DLGAP2: variants seen among roughly 807,000 people sequenced by gnomAD.
DLGAP2 encodes disks large-associated protein 2.
Under a neutral mutation model 100.3 loss-of-function variants are expected in DLGAP2, and 26 were observed. The observed-to-expected ratio is 0.26, with a 90% CI of 0.19 to 0.36. The LOEUF (loss-of-function observed/expected upper bound fraction) is 0.36. Ranked by LOEUF, DLGAP2 falls within the 10% of genes least tolerant of loss-of-function variation. The probability of loss-of-function intolerance (pLI) is 1.00; values close to 1 mark genes in which losing one functional copy is unlikely to be tolerated. For synonymous variants in DLGAP2, 886 were observed against 630.1 expected, an observed-to-expected ratio of 1.41 and a Z score of -6.08; for missense variants, 1,858 against 1,453.2, an observed-to-expected ratio of 1.28 and a Z score of -4.53.
At chr8:1,516,017 ATGAATGAGTGAG>A (rs1181784555) in intron 4 of DLGAP2, among the ~76,000 whole-genome samples, 4 of 79,232 alleles carry the variant, frequency 5.0e-5, no homozygotes, top group Non-Finnish European at 9.8e-5. Flanking sequence ...GAGTGAGTGC[ATGAATGAGTGAG>A]TGAATGAGTA....
At position 838,865 on chromosome 8, in the gene DLGAP2, G is replaced by A. The variant is rs545934685; in HGVS notation, c.19-69047G>A. ...TCCCCTGCTGGTGACTTCCTGGGGAGCGAGAGCATGTCTGTGGTTATGACA... is the reference window on the plus strand; with the variant it reads ...TCCCCTGCTGGTGACTTCCTGGGGAACGAGAGCATGTCTGTGGTTATGACA... On this transcript the variant is annotated intron_variant, in intron 1 of 14. Coordinates refer to ENST00000637795, the MANE Select transcript of DLGAP2 (RefSeq NM_001346810.2). Among the ~76,000 whole-genome samples the A allele has an allele frequency of 3.3e-5, 5 of 152,342 alleles. No individual in the cohort carries two copies. The East Asian group carries it at 9.6e-4, about 29-fold the overall frequency.
chr8:1,657,685 A>G (rs1798315046), intron 8 of DLGAP2, among the ~76,000 whole-genome samples: 1 of 152,254 alleles, frequency 6.6e-6, no homozygotes, highest in African/African-American at 2.4e-5. Flanking sequence ...ATGCAGTGAT[A>G]TACTTCCATG....
chr8:1,021,913 C>T (rs536980564), intron 2 of DLGAP2, among the ~76,000 whole-genome samples: 88 of 152,288 alleles, frequency 5.8e-4, no homozygotes, highest in African/African-American at 2.0e-3. Flanking sequence ...CCACCCCCCA[C>T]TTCCTGGGAG....
intron 2 of DLGAP2, among the ~76,000 whole-genome samples, chr8:940,547 C>T (rs1799172304): frequency 6.6e-6 from 1 of 152,138 alleles, no homozygotes; most frequent in Non-Finnish European, 1.5e-5. Flanking sequence ...GTGTCCATGA[C>T]ATGCGGTCAG....
At chr8:893,207 G>GA (rs1798072155) in intron 1 of DLGAP2, 2 of 152,206 alleles carry the variant, frequency 1.3e-5, no homozygotes, top group Non-Finnish European at 2.9e-5. Context: ...GGATCCTGCA[G>GA]AGTGGCATGC....
intron 2 of DLGAP2, among the ~76,000 whole-genome samples, chr8:1,143,733 G>T (rs1272616867): frequency 6.6e-6 from 1 of 152,174 alleles, no homozygotes; most frequent in African/African-American, 2.4e-5. Context: ...CCCTCACCTT[G>T]TTCTCTGTTC....
At chr8:1,509,328 CAA>C (rs11307586) in intron 4 of DLGAP2, among the ~76,000 whole-genome samples, 23 of 137,780 alleles carry the variant, frequency 1.7e-4, no homozygotes, top group South Asian at 2.2e-4. Flanking sequence ...AGACTCCGTC[CAA>C]AAAAAAAAAA....
chr8:1,178,239 A>G (rs573623320), intron 2 of DLGAP2, among the ~76,000 whole-genome samples: 1 of 152,364 alleles, frequency 6.6e-6, no homozygotes, highest in African/African-American at 2.4e-5. Context: ...TGATTTATGG[A>G]GTTACCACGT....
At position 1,436,683 on chromosome 8, in the gene DLGAP2, C is replaced by T. The variant is rs949405092; in HGVS notation, c.107-64683C>T. Among the ~76,000 whole-genome samples, 3 of 152,238 alleles carry T rather than the reference C, an allele frequency of 2.0e-5. No homozygotes were observed. In the South Asian group the frequency reaches 6.2e-4, roughly 32 times the overall value. ...GCAGTGTGTGTAGAGTCTACAGTAG[C>T]ATACAGTGATGTCTCGGGCCGCGCA... On this transcript the variant is annotated intron_variant, in intron 3 of 14. Transcript: ENST00000637795.
chr8:945,807 G>A (rs1390627654), intron 2 of DLGAP2, among the ~76,000 whole-genome samples: 3 of 151,086 alleles, frequency 2.0e-5, no homozygotes, highest in Admixed American at 6.6e-5. Context: ...TCCCTCTCTC[G>A]CTCCCTCGCT....
intron 1 of DLGAP2, among the ~76,000 whole-genome samples, chr8:773,176 A>G (rs1563424214): frequency 6.6e-6 from 1 of 152,222 alleles, no homozygotes; most frequent in Non-Finnish European, 1.5e-5. Context: ...ATGCGTCAGC[A>G]GGGCTGGTTT....
At chr8:1,202,975 G>A (rs183893303) in intron 2 of DLGAP2, among the ~76,000 whole-genome samples, 3 of 152,134 alleles carry the variant, frequency 2.0e-5, no homozygotes, top group Non-Finnish European at 4.4e-5. Context: ...CACGGTTTCC[G>A]TGTACTCCGG....
At chr8:1,278,846 G>T (rs1799759287) in intron 3 of DLGAP2, among the ~76,000 whole-genome samples, 1 of 152,170 alleles carries the variant, frequency 6.6e-6, no homozygotes, top group Non-Finnish European at 1.5e-5. Flanking sequence ...CTTTCCAGAG[G>T]AGAGGAAGAC....
chr8:1,095,190 T>C (rs954932369), intron 2 of DLGAP2, among the ~76,000 whole-genome samples: 2 of 152,168 alleles, frequency 1.3e-5, no homozygotes, highest in African/African-American at 4.8e-5. Flanking sequence ...GTGGTCACCC[T>C]TTACTTGTCA....
intron 2 of DLGAP2, among the ~76,000 whole-genome samples, chr8:1,101,398 A>C (rs1804573859): frequency 6.6e-6 from 1 of 152,154 alleles, no homozygotes; most frequent in Non-Finnish European, 1.5e-5. Context: ...AAGTGGATGA[A>C]CCTTGAGGAC....
chr8:1,356,357 C>G (rs73545640), intron 3 of DLGAP2, among the ~76,000 whole-genome samples: 2,635 of 152,296 alleles, frequency 0.017, 26 homozygotes, highest in South Asian at 0.024. Context: ...TCCTCATTTT[C>G]TAGATGTTTA....
rs140087951 is a variant in DLGAP2, at chr8:764,175, G to A, written c.18+26350G>A. 3.5e-4 allele frequency among the ~76,000 whole-genome samples: 54 copies of A among 152,246 alleles called. No homozygotes were observed. In the East Asian group the frequency reaches 6.8e-3, roughly 19 times the overall value. On this transcript the variant is annotated intron_variant, in intron 1 of 14. Transcript: ENST00000637795. ...TTGGGCCAGGGCTCAGCACCGTGCC[G>A]CAGCTGCCACTCATCCTGCCTCATT...
In DLGAP2 at chr8:1,598,039, T is replaced by A. The variant is rs567111101; in HGVS notation, c.1443-28701T>A. 4.3e-4 allele frequency among the ~76,000 whole-genome samples: 66 copies of A among 152,228 alleles called. 1 individual carries two copies. Among genetic ancestry groups the A allele is most frequent in the Non-Finnish European group, 8.1e-4 (55 of 68,036 alleles). Reference sequence around the variant, plus strand: ...ATAGCTCTTATTGAGATACTTCACATCAATACCTAGTTTATTGAGAGCTTT... The same window carrying A: ...ATAGCTCTTATTGAGATACTTCACAACAATACCTAGTTTATTGAGAGCTTT... On this transcript the variant is annotated intron_variant, in intron 6 of 14. Transcript: ENST00000637795.
intron 13 of DLGAP2, among the ~76,000 whole-genome samples, chr8:1,693,666 CTT>C (rs1799309418): frequency 6.6e-6 from 1 of 152,182 alleles, no homozygotes; most frequent in Admixed American, 6.5e-5. Context: ...CATCTCATGT[CTT>C]TTCCTTAGGA....
Sources: gnomAD v4.1 joint callset for allele counts (sites outside exome capture counted in the v4.1 genomes callset) on GRCh38, gnomAD v4.1.1 for gene constraint, MANE v1.5 for transcripts, NCBI Gene and HGNC (gene_info 2026-07-23, HGNC 2026-07-21) for gene names.